FOXK1: variants seen among roughly 807,000 people sequenced by gnomAD.
FOXK1 encodes the protein forkhead box K1.
In FOXK1, 19 loss-of-function variants were observed where a neutral mutation model predicts 51.9. The observed-to-expected ratio is 0.37, with a 90% CI of 0.26 to 0.54. The LOEUF is 0.54. Ranked by LOEUF, FOXK1 falls within the 20% of genes least tolerant of loss-of-function variation. The probability of loss-of-function intolerance (pLI) is 0.87; values close to 1 mark genes in which losing one functional copy is unlikely to be tolerated. For missense variants in FOXK1, 870 were observed against 1,032.7 expected (o/e 0.84, Z 2.16); for synonymous variants, 537 against 482.6 (o/e 1.11, Z -1.48).
At chr7:4,696,218 C>T (rs931818309) in intron 1 of FOXK1, among the ~76,000 whole-genome samples, 8 of 151,826 alleles carry the variant, frequency 5.3e-5, no homozygotes, top group African/African-American at 1.9e-4. Context: ...CTTCTTGAAG[C>T]CAAAGGAAAG....
At chr7:4,697,702 ATTTTC>A (rs1480521664) in intron 1 of FOXK1, among the ~76,000 whole-genome samples, 1 of 123,826 alleles carries the variant, frequency 8.1e-6, no homozygotes, top group East Asian at 2.5e-4. Context: ...TTTTCTTATT[ATTTTC>A]TAAAGGTTAG....
rs565992874 is a variant in FOXK1, at chr7:4,768,377, C to G, written c.*5913C>G. On this transcript the variant is annotated 3_prime_UTR_variant, in exon 9 of 9. Transcript: ENST00000328914. ...TCGATCTCCTGACCTCGTGATCCGC[C>G]CGCCTCGGCCTCCCAAAGTGCTGGG... 2.9e-5 allele frequency: 4 copies of G among 138,264 alleles called. No homozygotes were observed. Among genetic ancestry groups the G allele is most frequent in the African/African-American group, 1.4e-4 (4 of 29,300 alleles). 8.6% of individuals were successfully genotyped at this position (138,264 alleles called of 1,614,324 possible).
Position 4,762,534 on chromosome 7 carries a change from C to T in FOXK1, c.*70C>T, listed in dbSNP as rs907777583. ...CCGAAGCTGGACCCGGCAGCTCAGGCGGCCGCACCCACAGACGGAGGAGAA... is the reference window on the plus strand; with the variant it reads ...CCGAAGCTGGACCCGGCAGCTCAGGTGGCCGCACCCACAGACGGAGGAGAA... On this transcript the variant is annotated 3_prime_UTR_variant, in exon 9 of 9. Transcript: ENST00000328914. The surrounding 1 kb of genome is among the most constrained non-coding windows in gnomAD (Gnocchi z 5.7). 57 of 1,448,776 alleles carry T rather than the reference C, an allele frequency of 3.9e-5. No homozygotes were observed. The highest frequency in any genetic ancestry group is 2.5e-4 in the Middle Eastern group (1 of 4,030). 89.7% of individuals were successfully genotyped at this position (1,448,776 alleles called of 1,614,324 possible). A position where few individuals can be genotyped will look rare whatever the true frequency, so the allele number is the denominator to read the frequency against.
chr7:4,720,336 G>A (rs535484948), intron 1 of FOXK1, among the ~76,000 whole-genome samples: 2 of 152,206 alleles, frequency 1.3e-5, no homozygotes, highest in South Asian at 4.1e-4. Flanking sequence ...GCATGGGAGA[G>A]CTTTTGTTAT....
chr7:4,727,231 C>T (rs562605977), intron 1 of FOXK1, among the ~76,000 whole-genome samples: 6 of 152,258 alleles, frequency 3.9e-5, no homozygotes, highest in East Asian at 3.9e-4. Flanking sequence ...GGATTACAGG[C>T]GTGAGCCACT....
intron 1 of FOXK1, among the ~76,000 whole-genome samples, chr7:4,713,031 C>T (rs1282909869): frequency 6.6e-6 from 1 of 152,212 alleles, no homozygotes; most frequent in Non-Finnish European, 1.5e-5. Context: ...ATGCCTTCTT[C>T]CTGGCCCCCT....
chr7:4,708,758 C>T (rs1472946394), intron 1 of FOXK1, among the ~76,000 whole-genome samples: 1 of 152,144 alleles, frequency 6.6e-6, no homozygotes, highest in African/African-American at 2.4e-5. Context: ...CCGTCAAGTG[C>T]TGCTTTTAGA....
chr7:4,702,187 A>G (rs1406997465), intron 1 of FOXK1, among the ~76,000 whole-genome samples: 1 of 152,180 alleles, frequency 6.6e-6, no homozygotes, highest in Non-Finnish European at 1.5e-5. Flanking sequence ...GAGACACATG[A>G]CAGATAAAAT....
At position 4,711,134 on chromosome 7, in the gene FOXK1, ACTT is replaced by A. The variant is rs143704549; in HGVS notation, c.560+28272_560+28274del. On this transcript the variant is annotated intron_variant, in intron 1 of 8. Transcript: ENST00000328914. The surrounding 1 kb of genome is among the most constrained non-coding windows in gnomAD (Gnocchi z 6.3). ...GCCTGGATCCTACTTAGTCTCTCTG[ACTT>A]CTTCTACTCAAGCATGATGTCCGTT... Among the ~76,000 whole-genome samples the A allele has an allele frequency of 0.029, 4,435 of 152,112 alleles. 218 individuals are homozygous for A. The highest frequency in any genetic ancestry group is 0.1 in the African/African-American group (4,222 of 41,484).
Position 4,683,352 on chromosome 7 carries a change from C to T in FOXK1, c.560+484C>T, listed in dbSNP as rs909928037. Among the ~76,000 whole-genome samples, 2 of 152,046 alleles carry T rather than the reference C, an allele frequency of 1.3e-5. No individual in the cohort carries two copies. Among genetic ancestry groups the T allele is most frequent in the Admixed American group, 6.6e-5 (1 of 15,260 alleles). ...GGGGTCATTCTGAACTCCCACTGGC[C>T]TGGATCCCTGGGGTCATCTACGTCC... On this transcript the variant is annotated intron_variant, in intron 1 of 8. Transcript: ENST00000328914. This position sits in a 1 kb window ranked among gnomAD's most constrained non-coding sequence, Gnocchi z 4.5.
chr7:4,753,219 A>G lies in FOXK1; in HGVS notation c.747-1240A>G, dbSNP rs534818790. On this transcript the variant is annotated intron_variant, in intron 2 of 8. Coordinates refer to ENST00000328914, the MANE Select transcript of FOXK1 (RefSeq NM_001037165.2). The surrounding 1 kb of genome is among the most constrained non-coding windows in gnomAD (Gnocchi z 4.9). ...CTGTCAGGTTTTTCTCAGCCACAGGATTTTTTTCATTCATTCCTCTGCTCC... is the reference window on the plus strand; with the variant it reads ...CTGTCAGGTTTTTCTCAGCCACAGGGTTTTTTTCATTCATTCCTCTGCTCC... Among the ~76,000 whole-genome samples the G allele has an allele frequency of 4.6e-5, 7 of 152,112 alleles. No individual in the cohort carries two copies. The highest frequency in any genetic ancestry group is 1.7e-4 in the African/African-American group (7 of 41,486).
chr7:4,759,693 G>C, intron 7 of FOXK1, 98 bp downstream of exon 7: 1 of 1,353,462 alleles, frequency 7.4e-7, no homozygotes. Flanking sequence ...CCTGGGGCTT[G>C]AGGAGGATGA....
intron 1 of FOXK1, among the ~76,000 whole-genome samples, chr7:4,689,412 A>G (rs548219150): frequency 6.6e-6 from 1 of 152,304 alleles, no homozygotes; most frequent in East Asian, 1.9e-4. Flanking sequence ...TGCCAGCAGA[A>G]AAAGTAATTG....
chr7:4,751,129 C>G (rs1369280388), intron 2 of FOXK1, among the ~76,000 whole-genome samples: 1 of 151,660 alleles, frequency 6.6e-6, no homozygotes, highest in African/African-American at 2.4e-5. Flanking sequence ...ATTCTCCTGC[C>G]TCAGCCTCCA....
chr7:4,695,686 C>T (rs544254855), intron 1 of FOXK1, among the ~76,000 whole-genome samples: 15 of 152,268 alleles, frequency 9.9e-5, no homozygotes, highest in African/African-American at 3.6e-4. Context: ...CCTGTAATCC[C>T]AGCACTTTGG....
chr7:4,687,533 TC>T (rs1273737837), intron 1 of FOXK1, among the ~76,000 whole-genome samples: 1 of 152,030 alleles, frequency 6.6e-6, no homozygotes, highest in African/African-American at 2.4e-5. Context: ...CCTCAGGTGA[TC>T]CACCCGCCTT....
chr7:4,685,681 G>T (rs535311756), intron 1 of FOXK1, among the ~76,000 whole-genome samples: 1 of 151,914 alleles, frequency 6.6e-6, no homozygotes, highest in East Asian at 1.9e-4. Context: ...ACAGCCTCAC[G>T]CCTGTAATCT....
chr7:4,737,507 C>T (rs562391921), intron 1 of FOXK1, among the ~76,000 whole-genome samples: 4 of 149,372 alleles, frequency 2.7e-5, no homozygotes, highest in African/African-American at 9.9e-5. Flanking sequence ...GGTGTGTGGG[C>T]GTGTCCGTGC....
At position 4,715,011 on chromosome 7, in the gene FOXK1, C is replaced by T. The variant is rs1268134176; in HGVS notation, c.561-25827C>T. 2.6e-5 allele frequency among the ~76,000 whole-genome samples: 4 copies of T among 152,118 alleles called. No individual in the cohort carries two copies. The highest frequency in any genetic ancestry group is 7.2e-5 in the African/African-American group (3 of 41,414). On this transcript the variant is annotated intron_variant, in intron 1 of 8. Transcript: ENST00000328914. The surrounding 1 kb of genome is among the most constrained non-coding windows in gnomAD (Gnocchi z 4.5). ...CTTTTTCTTGGTACAGAACAGAAGC[C>T]ACACACCAGCGACAATCAGAGGTTA...
Sources: allele counts gnomAD v4.1 joint callset (sites outside exome capture counted in the v4.1 genomes callset), GRCh38; gene constraint gnomAD v4.1.1; non-coding constraint Gnocchi (gnomAD v3.1); transcripts MANE v1.5; gene names NCBI Gene and HGNC (gene_info 2026-07-23, HGNC 2026-07-21).